Variants in METRN observed in about 807,000 individuals in gnomAD.
The protein encoded by METRN is meteorin.
Under a neutral mutation model 17.4 loss-of-function variants are expected in METRN, and 17 were observed. That is an observed-to-expected ratio of 0.98 (90% CI 0.67 to 1.46). The LOEUF is 1.46. METRN is among the 40% of genes most tolerant of loss of function. The pLI is 0.00. For synonymous variants in METRN, 230 were observed against 210.8 expected, an observed-to-expected ratio of 1.09 and a Z score of -0.79; for missense variants, 489 against 456.2, an observed-to-expected ratio of 1.07 and a Z score of -0.65.
rs1596582898 is a variant in METRN at position 716,938 on chromosome 16, T to C, written c.511T>C (p.Cys171Arg). The C allele has an allele frequency of 8.4e-6, 13 of 1,554,432 alleles. No homozygotes were observed. Among genetic ancestry groups the C allele is most frequent in the Non-Finnish European group, 1.1e-5 (13 of 1,147,772 alleles). ...CCACCCCCTCTGCATGCCAGGTGCC[T>C]GCAGGCCCTGCAGCGACGCTGAGCT... Reference protein sequence around the residue: ...QAHGLGVDGACRPCSDAELLL... With the variant: ...QAHGLGVDGARRPCSDAELLL... Residue 171 changes from cysteine (C) to arginine (R), a missense_variant, in exon 3 of 4, where the codon TGC becomes CGC. Coordinates refer to ENST00000568223, the MANE Select transcript of METRN (RefSeq NM_024042.4).
rs1248107446 is a variant in METRN, at chr16:719,499, G to T, written c.*2112G>T. 6.6e-6 allele frequency: 1 copy of T among 152,342 alleles called. No homozygotes were observed. Among genetic ancestry groups the T allele is most frequent in the Non-Finnish European group, 1.5e-5 (1 of 68,152 alleles). The allele number at this position is 152,342 out of a possible 1,614,324, so 9.4% of individuals were successfully genotyped here. ...GCCAAGCAGCAGAGTGCCTGGTGTG[G>T]ACGGGAGAGGAGTGGGGAGGTTGGG... On this transcript the variant is annotated 3_prime_UTR_variant, in exon 4 of 4. Transcript: ENST00000568223.
At position 717,504 on chromosome 16, in the gene METRN, T is replaced by G; in HGVS notation, c.*117T>G. 9.7e-7 allele frequency: 1 copy of G among 1,034,100 alleles called. No individual in the cohort carries two copies. The highest frequency in any genetic ancestry group is 3.8e-5 in the Admixed American group (1 of 26,184). 64.1% of individuals were successfully genotyped at this position (1,034,100 alleles called of 1,614,324 possible). A position where few individuals can be genotyped will look rare whatever the true frequency, so the allele number is the denominator to read the frequency against. ...AAGCTGCTGTGGACCTGGTCTCCTGTGTCCAGCCCAGCCTTGGGCCTGCCT... is the reference window on the plus strand; with the variant it reads ...AAGCTGCTGTGGACCTGGTCTCCTGGGTCCAGCCCAGCCTTGGGCCTGCCT... On this transcript the variant is annotated 3_prime_UTR_variant, in exon 4 of 4. Transcript: ENST00000568223.
rs1372815868 is a variant in METRN, at chr16:717,458, C to T, written c.*71C>T. 2 of 1,298,832 alleles carry T rather than the reference C, an allele frequency of 1.5e-6. No homozygotes were observed. Among genetic ancestry groups the T allele is most frequent in the African/African-American group, 3.0e-5 (2 of 65,942 alleles). The allele number at this position is 1,298,832 out of a possible 1,614,324, so 80.5% of individuals were successfully genotyped here. ...ACTGCTTTGGAGGTGATGGGACTAT[C>T]AATAAGAACTCTGTTCACGCAAGCT... On this transcript the variant is annotated 3_prime_UTR_variant, in exon 4 of 4. Coordinates refer to ENST00000568223, the MANE Select transcript of METRN (RefSeq NM_024042.4).
chr16:717,281 T>C lies in METRN; in HGVS notation c.776T>C (p.Phe259Ser), dbSNP rs1308568556. Residue 259 changes from phenylalanine (F) to serine (S), a missense_variant, in exon 4 of 4, where the codon TTT becomes TCT. Physicochemically the swap from Phe to Ser is radical, Grantham distance 155. Coordinates refer to ENST00000568223, the MANE Select transcript of METRN (RefSeq NM_024042.4). ...GTFLFMGWSRFGEARLGCAPR... is the reference protein window; with the variant it reads ...GTFLFMGWSRSGEARLGCAPR... ...TTCCTCTTCATGGGCTGGAGCCGCT[T>C]TGGGGAGGCCCGGCTGGGCTGTGCC... 5 of 1,546,076 alleles carry C rather than the reference T, an allele frequency of 3.2e-6. No homozygotes were observed. The South Asian group carries it at 3.5e-5, about 11-fold the overall frequency.
chr16:715,350 G>A lies in METRN; in HGVS notation c.61G>A (p.Ala21Thr), dbSNP rs2040151244. 1 of 1,340,510 alleles carries A rather than the reference G, an allele frequency of 7.5e-7. No individual in the cohort carries two copies. The highest frequency in any genetic ancestry group is 9.5e-7 in the Non-Finnish European group (1 of 1,047,226). 83.0% of individuals were successfully genotyped at this position (1,340,510 alleles called of 1,614,324 possible). ...GTGCTGCGGCCTCCTGGCCCCGGCTGCCCGCGCCGGCTACTCCGAGGAGCG... is the reference window on the plus strand; with the variant it reads ...GTGCTGCGGCCTCCTGGCCCCGGCTACCCGCGCCGGCTACTCCGAGGAGCG... ...ALCCGLLAPA[A>T]RAGYSEERCS... The change falls in exon 1 of 4, where the codon GCC becomes ACC. Residue 21 changes from alanine to threonine, a missense_variant. Physicochemically the swap from Ala to Thr is moderately conservative, Grantham distance 58. Coordinates refer to ENST00000568223, the MANE Select transcript of METRN (RefSeq NM_024042.4).
chr16:715,534 C>A, intron 1 of METRN, 50 bp from the exon 2 acceptor site: 1 of 1,287,552 alleles, frequency 7.8e-7, no homozygotes, highest in Non-Finnish European at 9.8e-7. Context: ...GGGGCTGCGC[C>A]GGGCGGGGAC....
Position 717,395 on chromosome 16 carries a change from G to A in METRN, c.*8G>A. 7.0e-7 allele frequency: 1 copy of A among 1,422,324 alleles called. No homozygotes were observed. Among genetic ancestry groups the A allele is most frequent in the South Asian group, 1.5e-5 (1 of 64,816 alleles). The allele number at this position is 1,422,324 out of a possible 1,614,324, so 88.1% of individuals were successfully genotyped here. The stretch of plus-strand genomic sequence containing the variant: ...GAGGTGGCGCTGCACTGAGGGGCTG[G>A]GTGCTGGGGAGGGGCTGGTAGGAGG... On this transcript the variant is annotated 3_prime_UTR_variant, in exon 4 of 4. Coordinates refer to ENST00000568223, the MANE Select transcript of METRN (RefSeq NM_024042.4).
chr16:716,830 C>T (rs1246928027), intron 2 of METRN, 103 bp from the exon 3 acceptor site: 9 of 1,496,154 alleles, frequency 6.0e-6, no homozygotes, highest in Middle Eastern at 1.8e-4. Flanking sequence ...GGGCTCTGCT[C>T]ATTTGCCTGC....
intron 2 of METRN, chr16:716,645 G>C (rs1420505211): frequency 1.3e-6 from 2 of 1,535,280 alleles, no homozygotes; most frequent in Admixed American, 2.0e-5. Flanking sequence ...GAGTGCAGGA[G>C]GGCGGCCCAG....
intron 2 of METRN, chr16:716,512 G>C: frequency 2.0e-6 from 3 of 1,509,268 alleles, no homozygotes; most frequent in Non-Finnish European, 2.7e-6. Context: ...CCCTGGGCCA[G>C]GGACCCCAGA....
In METRN at chr16:716,995, G is replaced by A; in HGVS notation, c.565+3G>A. Reference sequence around the variant, plus strand: ...GGCCGCATGCACCAGCGACTTCGGTGAGTGTCCCCGCCATGGGGGGAGCCT... The same window carrying A: ...GGCCGCATGCACCAGCGACTTCGGTAAGTGTCCCCGCCATGGGGGGAGCCT... On this transcript the variant is annotated splice_donor_region_variant and intron_variant, in intron 3 of 3. Transcript: ENST00000568223. 1 of 1,608,274 alleles carries A rather than the reference G, an allele frequency of 6.2e-7. No individual in the cohort carries two copies. Among genetic ancestry groups the A allele is most frequent in the Non-Finnish European group, 8.5e-7 (1 of 1,177,246 alleles).
In METRN at chr16:718,248, A is replaced by G. The variant is rs2151528060; in HGVS notation, c.*861A>G. 6.6e-6 allele frequency: 1 copy of G among 152,422 alleles called. No individual in the cohort carries two copies. The highest frequency in any genetic ancestry group is 1.9e-4 in the East Asian group (1 of 5,186). The allele number at this position is 152,422 out of a possible 1,614,324, so 9.4% of individuals were successfully genotyped here. ...GTGAGGTTTGGGACAGCCACAGCCC[A>G]AGGCTCCGAGGCTAAAAGCCCCTGG... On this transcript the variant is annotated 3_prime_UTR_variant, in exon 4 of 4. Transcript: ENST00000568223.
Position 715,968 on chromosome 16 carries a change from C to G in METRN, c.489C>G (p.His163Gln). 1 of 1,451,282 alleles carries G rather than the reference C, an allele frequency of 6.9e-7. No homozygotes were observed. The highest frequency in any genetic ancestry group is 9.0e-7 in the Non-Finnish European group (1 of 1,107,356). 89.9% of individuals were successfully genotyped at this position (1,451,282 alleles called of 1,614,324 possible). Residue 163 changes from histidine to glutamine, a missense_variant, in exon 2 of 4, where the codon CAC becomes CAG. His to Gln is a conservative substitution (Grantham distance 24, BLOSUM62 0). Transcript: ENST00000568223. Reference protein sequence around the residue: ...DGRPELPPQAHGLGVDGACRP... With the variant: ...DGRPELPPQAQGLGVDGACRP... The stretch of plus-strand genomic sequence containing the variant: ...GCCCCGAGCTGCCCCCGCAGGCCCA[C>G]GGTCTCGGCGTAGACGGTGAGTGGC...
rs545448432 is a variant in METRN, at chr16:718,246, C to T, written c.*859C>T. ...CAGTGAGGTTTGGGACAGCCACAGC[C>T]CAAGGCTCCGAGGCTAAAAGCCCCT... On this transcript the variant is annotated 3_prime_UTR_variant, in exon 4 of 4. Transcript: ENST00000568223. 1 of 152,428 alleles carries T rather than the reference C, an allele frequency of 6.6e-6. No homozygotes were observed. The highest frequency in any genetic ancestry group is 6.5e-5 in the Admixed American group (1 of 15,312). The allele number at this position is 152,428 out of a possible 1,614,324, so 9.4% of individuals were successfully genotyped here. A position where few individuals can be genotyped will look rare whatever the true frequency, so the allele number is the denominator to read the frequency against.
At position 715,815 on chromosome 16, in the gene METRN, C is replaced by T; in HGVS notation, c.336C>T (p.Gly112=). The part of the protein sequence containing the change: ...ALELLLAEGP[G]PAGGRCVRWG... ...AGCTGCTGCTGGCCGAGGGCCCGGG[C>T]CCGGCAGGGGGCCGCTGCGTGCGCT... Residue 112 remains glycine (G), a synonymous_variant, in exon 2 of 4, where the codon GGC becomes GGT. Transcript: ENST00000568223. 1 of 1,265,322 alleles carries T rather than the reference C, an allele frequency of 7.9e-7. No individual in the cohort carries two copies. The highest frequency in any genetic ancestry group is 9.9e-7 in the Non-Finnish European group (1 of 1,008,436). The allele number at this position is 1,265,322 out of a possible 1,614,324, so 78.4% of individuals were successfully genotyped here.
intron 2 of METRN, chr16:716,325 A>G: frequency 7.2e-7 from 1 of 1,397,706 alleles, no homozygotes; most frequent in South Asian, 1.6e-5. Context: ...TCCCTGGCCC[A>G]GCGGTGACCT....
At position 718,586 on chromosome 16, in the gene METRN, G is replaced by A. The variant is rs983844257; in HGVS notation, c.*1199G>A. 3 of 147,390 alleles carry A rather than the reference G, an allele frequency of 2.0e-5. No individual in the cohort carries two copies. The highest frequency in any genetic ancestry group is 4.4e-5 in the Non-Finnish European group (3 of 68,420). The allele number at this position is 147,390 out of a possible 1,614,324, so 9.1% of individuals were successfully genotyped here. On this transcript the variant is annotated 3_prime_UTR_variant, in exon 4 of 4. Transcript: ENST00000568223. The stretch of plus-strand genomic sequence containing the variant: ...CCTGATGAGTGCCATGCCCTCTGTG[G>A]ACACCTGGGGAGGGGGGTCACCTCC...
rs1462182983 is a variant in METRN, at chr16:715,893, C to A, written c.414C>A (p.Asp138Glu). The change falls in exon 2 of 4, where the codon GAC becomes GAA. Residue 138 changes from aspartate to glutamate, a missense_variant. Physicochemically the swap from Asp to Glu is conservative, Grantham distance 45. Coordinates refer to ENST00000568223, the MANE Select transcript of METRN (RefSeq NM_024042.4). ...TCCTGCAGGCCACGCCGCACCAGGA[C>A]ATCAGCCGCCGCGTGGCCGCCTTCC... ...ALFLQATPHQDISRRVAAFRF... is the reference protein window; with the variant it reads ...ALFLQATPHQEISRRVAAFRF... The A allele has an allele frequency of 1.8e-5, 27 of 1,464,372 alleles. No homozygotes were observed. The highest frequency in any genetic ancestry group is 7.8e-5 in the South Asian group (6 of 76,604). The allele number at this position is 1,464,372 out of a possible 1,614,324, so 90.7% of individuals were successfully genotyped here.
chr16:715,532 G>GCCGGGCGGGGAC (rs1352732143), intron 1 of METRN, 52 bp from the exon 2 acceptor site: 37 of 1,286,140 alleles, frequency 2.9e-5, no homozygotes, highest in Non-Finnish European at 3.4e-5. Context: ...CGGGGGCTGC[G>GCCGGGCGGGGAC]CCGGGCGGGG....
Sources: allele counts gnomAD v4.1 joint callset, GRCh38; gene constraint gnomAD v4.1.1; transcripts MANE v1.5; gene names NCBI Gene and HGNC (gene_info 2026-07-23, HGNC 2026-07-21).